The following PCDH15 variants were observed in gnomAD, a reference collection of about 807,000 sequenced individuals.
The protein encoded by PCDH15 is protocadherin related 15, also known as protocadherin-15.
A neutral mutation model predicts 178.5 loss-of-function variants in PCDH15; 129 were observed. That is an observed-to-expected ratio of 0.72 (90% CI 0.63 to 0.84). PCDH15 has a LOEUF of 0.84. Ranked by LOEUF, PCDH15 falls within the 40% of genes least tolerant of loss-of-function variation. The pLI is 0.00. For synonymous variants in PCDH15, 800 were observed against 732.0 expected (o/e 1.09, Z -1.50); for missense variants, 2,230 against 2,099.9 (o/e 1.06, Z -1.21).
chr10:54,250,261 C>T (rs996251516), intron 8 of PCDH15, among the ~76,000 whole-genome samples: 10 of 146,044 alleles, frequency 6.8e-5, no homozygotes, highest in African/African-American at 2.6e-4. Flanking sequence ...CTATAATATG[C>T]TATTACTTTT....
intron 29 of PCDH15, among the ~76,000 whole-genome samples, chr10:53,833,730 A>C (rs1327633141): frequency 6.6e-6 from 1 of 151,986 alleles, no homozygotes; most frequent in Non-Finnish European, 1.5e-5. Flanking sequence ...TAAATACTAC[A>C]ATTTTAACCT....
intron 3 of PCDH15, among the ~76,000 whole-genome samples, chr10:54,405,094 T>TG (rs1219545851): frequency 6.6e-6 from 1 of 151,966 alleles, no homozygotes; most frequent in Non-Finnish European, 1.5e-5. Context: ...GAGAGTGTGG[T>TG]GATTCCTCAC....
intron 11 of PCDH15, among the ~76,000 whole-genome samples, chr10:54,190,732 A>T (rs2048913707): frequency 6.6e-6 from 1 of 152,198 alleles, no homozygotes; most frequent in Non-Finnish European, 1.5e-5. Context: ...CTTGAAGTAA[A>T]ATTCATGCCC....
intron 7 of PCDH15, among the ~76,000 whole-genome samples, chr10:54,326,436 A>G (rs1019626055): frequency 1.3e-5 from 2 of 152,158 alleles, no homozygotes; most frequent in African/African-American, 2.4e-5. Context: ...TCCATTTTTA[A>G]TTACTGATTT....
intron 13 of PCDH15, among the ~76,000 whole-genome samples, chr10:54,166,906 T>C (rs961710619): frequency 1.5e-4 from 23 of 152,118 alleles, no homozygotes; most frequent in African/African-American, 4.1e-4. Flanking sequence ...AAAAAGCACC[T>C]CCACTGAGCA....
intron 2 of PCDH15, among the ~76,000 whole-genome samples, chr10:55,120,121 G>A (rs1837728335): frequency 6.6e-6 from 1 of 151,748 alleles, no homozygotes; most frequent in Admixed American, 6.6e-5. Context: ...TGACAACAGA[G>A]GAAACAGGGA....
chr10:54,875,507 C>A (rs1441903290), intron 3 of PCDH15, among the ~76,000 whole-genome samples: 1 of 152,084 alleles, frequency 6.6e-6, no homozygotes, highest in African/African-American at 2.4e-5. Flanking sequence ...AAATCTAGGT[C>A]TCTTGTGTCA....
At chr10:54,917,076 T>C (rs544828282) in intron 2 of PCDH15, among the ~76,000 whole-genome samples, 1 of 152,264 alleles carries the variant, frequency 6.6e-6, no homozygotes, top group African/African-American at 2.4e-5. Flanking sequence ...TTGAATAGCA[T>C]TGGTTAGAAA....
intron 2 of PCDH15, among the ~76,000 whole-genome samples, chr10:54,937,359 T>C (rs1454404115): frequency 6.6e-6 from 1 of 151,984 alleles, no homozygotes; most frequent in East Asian, 1.9e-4. Flanking sequence ...AAAAAAGCAC[T>C]TTGATCATGA....
At chr10:54,933,505 G>A (rs1180564970) in intron 2 of PCDH15, among the ~76,000 whole-genome samples, 2 of 152,040 alleles carry the variant, frequency 1.3e-5, no homozygotes, top group Non-Finnish European at 2.9e-5. Flanking sequence ...CACATACAAT[G>A]GAATAGAAGA....
chr10:54,298,195 C>A (rs189896223), intron 8 of PCDH15, among the ~76,000 whole-genome samples: 1 of 152,286 alleles, frequency 6.6e-6, no homozygotes, highest in Non-Finnish European at 1.5e-5. Flanking sequence ...AGGAAATACA[C>A]TCCACTGTCA....
intron 2 of PCDH15, among the ~76,000 whole-genome samples, chr10:55,387,588 G>C (rs1461495157): frequency 1.3e-5 from 2 of 152,064 alleles, no homozygotes; most frequent in Non-Finnish European, 2.9e-5. Context: ...CTGTATATAT[G>C]TATAAGTAAA....
intron 2 of PCDH15, among the ~76,000 whole-genome samples, chr10:54,936,936 G>T (rs1173401349): frequency 6.6e-6 from 1 of 151,732 alleles, no homozygotes; most frequent in Non-Finnish European, 1.5e-5. Context: ...AAATCACAAT[G>T]ATTACTTCTA....
intron 2 of PCDH15, among the ~76,000 whole-genome samples, chr10:54,632,599 C>G (rs1165883711): frequency 1.3e-5 from 2 of 151,708 alleles, no homozygotes; most frequent in African/African-American, 2.4e-5. Context: ...TTAAAATTAC[C>G]CCTGCTAAAA....
rs1363987366 is a variant in PCDH15 at position 54,073,063 on chromosome 10, T to TA, written c.2092-6179dup. Among the ~76,000 whole-genome samples, 6 of 152,086 alleles carry TA rather than the reference T, an allele frequency of 3.9e-5. No homozygotes were observed. The East Asian group carries it at 9.7e-4, about 24-fold the overall frequency. The stretch of plus-strand genomic sequence containing the variant: ...CTAAGTAGGAAGATTGCATCAGGTA[T>TA]AAAAAATAAAGAAGCTTTTTTTTCT... On this transcript the variant is annotated intron_variant, in intron 17 of 37. Coordinates refer to ENST00000644397, the MANE Select transcript of PCDH15 (RefSeq NM_001384140.1).
intron 3 of PCDH15, among the ~76,000 whole-genome samples, chr10:54,875,121 A>G (rs1251644775): frequency 1.3e-5 from 2 of 152,140 alleles, no homozygotes; most frequent in African/African-American, 4.8e-5. Context: ...GCACGTGCTC[A>G]TTTCATGTCA....
At chr10:54,419,330 C>A (rs1246581805) in intron 3 of PCDH15, among the ~76,000 whole-genome samples, 3 of 151,644 alleles carry the variant, frequency 2.0e-5, no homozygotes, top group Non-Finnish European at 4.4e-5. Context: ...GTCCAACAAA[C>A]AAATTTATCT....
At chr10:55,231,724 A>G (rs1430616783) in intron 1 of PCDH15, among the ~76,000 whole-genome samples, 1 of 152,048 alleles carries the variant, frequency 6.6e-6, no homozygotes, top group African/African-American at 2.4e-5. Context: ...TAGGTATTCA[A>G]ATTGTCAAAT....
chr10:54,254,350 T>C (rs1340851245), intron 8 of PCDH15, among the ~76,000 whole-genome samples: 1 of 152,078 alleles, frequency 6.6e-6, no homozygotes. Context: ...CATAAAGTTT[T>C]AATGCTTTAC....
Sources: gnomAD v4.1 joint callset for allele counts (sites outside exome capture counted in the v4.1 genomes callset) on GRCh38, gnomAD v4.1.1 for gene constraint, MANE v1.5 for transcripts, NCBI Gene and HGNC (gene_info 2026-07-23, HGNC 2026-07-21) for gene names.